The following YTHDF3 variants were observed in gnomAD, a reference collection of about 807,000 sequenced individuals.
YTHDF3 encodes YTH domain-containing family protein 3.
Under a neutral mutation model 52.5 loss-of-function variants are expected in YTHDF3, and 9 were observed. The ratio of observed to expected loss-of-function variants is 0.17; its 90% CI spans 0.10 to 0.30. The LOEUF is 0.30. Among genes scored for constraint, YTHDF3 ranks in the 10% least tolerant of loss-of-function variants. The pLI, the probability that YTHDF3 is intolerant of heterozygous loss-of-function variation, is 1.00. For synonymous variants in YTHDF3, 274 were observed against 243.3 expected, an observed-to-expected ratio of 1.13 and a Z score of -1.18; for missense variants, 534 against 715.0, an observed-to-expected ratio of 0.75 and a Z score of 2.89.
chr8:63,205,169 C>CA (rs1163474698), intron 4 of YTHDF3, among the ~76,000 whole-genome samples: 2 of 152,158 alleles, frequency 1.3e-5, no homozygotes, highest in African/African-American at 4.8e-5. Flanking sequence ...CTGTACTACT[C>CA]AGTTTTTCCT....
chr8:63,175,988 A>G (rs965102085), intron 3 of YTHDF3, among the ~76,000 whole-genome samples: 51 of 152,340 alleles, frequency 3.3e-4, no homozygotes, highest in African/African-American at 1.0e-3. Flanking sequence ...GTAGACATGG[A>G]CAGTTTTATC....
chr8:63,192,558 T>C (rs954825366), intron 4 of YTHDF3, among the ~76,000 whole-genome samples: 2 of 152,206 alleles, frequency 1.3e-5, no homozygotes, highest in African/African-American at 4.8e-5. Flanking sequence ...GGTTAGCATA[T>C]AGGGTACCAT....
At position 63,182,234 on chromosome 8, in the gene YTHDF3, ATTTTTTTT is replaced by A. The variant is rs11348989; in HGVS notation, c.136-3895_136-3888del. ...AGGCGTGCACCACCATGCCTGGCTA[ATTTTTTTT>A]TTTTTTTTTTTTTTTTTAATGAGAT... On this transcript the variant is annotated intron_variant, in intron 3 of 4. Coordinates refer to ENST00000539294, the MANE Select transcript of YTHDF3 (RefSeq NM_152758.6). Among the ~76,000 whole-genome samples, 164 of 111,696 alleles carry A rather than the reference ATTTTTTTT, an allele frequency of 1.5e-3. 1 individual carries two copies. The highest frequency in any genetic ancestry group is 2.5e-3 in the Non-Finnish European group (136 of 54,836). The allele number at this position is 111,696 out of a possible 152,430, so 73.3% of individuals were successfully genotyped here.
chr8:63,184,772 A>T (rs1276589797), intron 3 of YTHDF3, among the ~76,000 whole-genome samples: 1 of 152,238 alleles, frequency 6.6e-6, no homozygotes, highest in African/African-American at 2.4e-5. Flanking sequence ...TTGAAAAGTC[A>T]TACCAGTTGT....
At chr8:63,169,636 T>G in intron 2 of YTHDF3, 2 of 572,292 alleles carry the variant, frequency 3.5e-6, no homozygotes, top group Non-Finnish European at 3.1e-6. Flanking sequence ...ACAGTTTCCT[T>G]GTCAGTTAAG....
At chr8:63,206,626 ACATT>A (rs1810048636) in intron 4 of YTHDF3, among the ~76,000 whole-genome samples, 1 of 152,148 alleles carries the variant, frequency 6.6e-6, no homozygotes, top group Non-Finnish European at 1.5e-5. Context: ...TTTGTCTTTA[ACATT>A]CAGATTTATT....
rs562776339 is a variant in YTHDF3, at chr8:63,186,650, C to T, written c.639C>T (p.Ser213=). Residue 213 remains serine, a synonymous_variant, in exon 4 of 5, where the codon AGC becomes AGT. Coordinates refer to ENST00000539294, the MANE Select transcript of YTHDF3 (RefSeq NM_152758.6). ...CAAAAACTGTAGGTACAGCTTTGAG[C>T]AGCAGTGGTATGACTAGCATTGCAA... is the stretch of plus-strand genomic sequence containing the variant. ...AVTKTVGTAL[S]SSGMTSIATN... is the part of the protein sequence containing the mutation. 40 of 1,613,974 alleles carry T rather than the reference C, an allele frequency of 2.5e-5. No individual in the cohort carries two copies. In the South Asian group the frequency reaches 4.4e-4, roughly 18 times the overall value.
rs1006187215 is a variant in YTHDF3, at chr8:63,211,863, A to C, written c.*2157A>C. On this transcript the variant is annotated 3_prime_UTR_variant, in exon 5 of 5. Coordinates refer to ENST00000539294, the MANE Select transcript of YTHDF3 (RefSeq NM_152758.6). ...ATGGGTGCAGCATTCCTTTGGAAAA[A>C]AAAATCTTTTTATTTTCAAGTGATA... 13 of 152,698 alleles carry C rather than the reference A, an allele frequency of 8.5e-5. No homozygotes were observed. Among genetic ancestry groups the C allele is most frequent in the African/African-American group, 2.9e-4 (12 of 41,564 alleles). The allele number at this position is 152,698 out of a possible 1,614,324, so 9.5% of individuals were successfully genotyped here.
chr8:63,186,097 G>C, intron 3 of YTHDF3, 50 bp from the exon 4 acceptor site: 2 of 1,484,682 alleles, frequency 1.3e-6, no homozygotes, highest in Non-Finnish European at 1.8e-6. Flanking sequence ...TTCTTTTTTT[G>C]CTCTTTTAAG....
chr8:63,187,023 G>A lies in YTHDF3; in HGVS notation c.1012G>A (p.Ala338Thr). The change falls in exon 4 of 5, where the codon GCC becomes ACC. Residue 338 changes from alanine to threonine, a missense_variant. This residue lies in a region of YTHDF3 where 203 missense variants were observed against 201.3 expected (regional missense o/e 1.01). Transcript: ENST00000539294. ...PQQQQGPQPQ[A>T]QPHQVQPQQQ... ...GCAGCAACAAGGACCTCAGCCACAG[G>A]CCCAGCCTCACCAAGTGCAGCCTCA... is the stretch of plus-strand genomic sequence containing the variant. The A allele has an allele frequency of 6.2e-7, 1 of 1,613,338 alleles. No individual in the cohort carries two copies. Among genetic ancestry groups the A allele is most frequent in the Non-Finnish European group, 8.5e-7 (1 of 1,179,634 alleles).
At chr8:63,204,307 T>C (rs1440069497) in intron 4 of YTHDF3, among the ~76,000 whole-genome samples, 2 of 152,114 alleles carry the variant, frequency 1.3e-5, no homozygotes, top group Non-Finnish European at 2.9e-5. Context: ...ATCTACTGAT[T>C]TTTTCAATTT....
chr8:63,175,665 T>TA, intron 3 of YTHDF3: 1 of 324,570 alleles, frequency 3.1e-6, no homozygotes, highest in Non-Finnish European at 5.8e-6. Context: ...CCATTATTTG[T>TA]ATATATTATG....
chr8:63,170,419 T>C (rs34582619), intron 2 of YTHDF3, among the ~76,000 whole-genome samples: 13 of 152,198 alleles, frequency 8.5e-5, no homozygotes, highest in Admixed American at 4.6e-4. Context: ...CTCTGAATTA[T>C]GGAATTTGTA....
intron 3 of YTHDF3, among the ~76,000 whole-genome samples, chr8:63,183,928 T>C (rs1380415863): frequency 6.6e-6 from 1 of 152,222 alleles, no homozygotes; most frequent in Non-Finnish European, 1.5e-5. Flanking sequence ...ATGTAACCTA[T>C]GCACATCCTC....
intron 4 of YTHDF3, among the ~76,000 whole-genome samples, chr8:63,191,583 A>G (rs1326024335): frequency 2.0e-5 from 3 of 152,150 alleles, no homozygotes; most frequent in Non-Finnish European, 4.4e-5. Context: ...TGTTTTTAGA[A>G]ACTTTATATC....
chr8:63,177,383 A>G (rs940869922), intron 3 of YTHDF3, among the ~76,000 whole-genome samples: 1 of 145,356 alleles, frequency 6.9e-6, no homozygotes, highest in African/African-American at 2.9e-5. Flanking sequence ...AATGGGAAAG[A>G]AAAAAACTTT....
chr8:63,192,152 TC>T (rs1808953993), intron 4 of YTHDF3, among the ~76,000 whole-genome samples: 1 of 152,228 alleles, frequency 6.6e-6, no homozygotes, highest in African/African-American at 2.4e-5. Context: ...TTTCCATGCT[TC>T]CCCCATGCCT....
chr8:63,180,099 G>A (rs1488272308), intron 3 of YTHDF3, among the ~76,000 whole-genome samples: 2 of 151,572 alleles, frequency 1.3e-5, no homozygotes, highest in East Asian at 2.0e-4. Context: ...CCTCCCGGAC[G>A]AGGTGGCTGC....
Position 63,168,707 on chromosome 8 carries a change from C to T in YTHDF3, c.-171C>T, listed in dbSNP as rs913585823. On this transcript the variant is annotated 5_prime_UTR_variant, in exon 1 of 5. Transcript: ENST00000539294. ...GAGCGTGCAAGCGGAAAAGACGGGC[C>T]TCTTCCTCCGACTCCCGAGCGCGAG... 1.5e-6 allele frequency: 2 copies of T among 1,314,038 alleles called. No homozygotes were observed. Among genetic ancestry groups the T allele is most frequent in the South Asian group, 2.6e-5 (2 of 76,002 alleles). The allele number at this position is 1,314,038 out of a possible 1,614,324, so 81.4% of individuals were successfully genotyped here. A position where few individuals can be genotyped will look rare whatever the true frequency, so the allele number is the denominator to read the frequency against.
Sources: gnomAD v4.1 joint callset for allele counts (sites outside exome capture counted in the v4.1 genomes callset) on GRCh38, gnomAD v4.1.1 for gene constraint, gnomAD v4.1.1 regional missense constraint, MANE v1.5 for transcripts, NCBI Gene and HGNC (gene_info 2026-07-23, HGNC 2026-07-21) for gene names.